The following DLGAP2 variants were observed in gnomAD, a reference collection of about 807,000 sequenced individuals.
DLGAP2 encodes the protein disks large-associated protein 2.
A neutral mutation model predicts 100.3 loss-of-function variants in DLGAP2; 26 were observed. The ratio of observed to expected loss-of-function variants is 0.26; its 90% CI spans 0.19 to 0.36. The LOEUF is 0.36. Among genes scored for constraint, DLGAP2 ranks in the 10% least tolerant of loss-of-function variants. DLGAP2 has a pLI of 1.00. For missense variants in DLGAP2, 1,858 were observed against 1,453.2 expected (o/e 1.28, Z -4.53); for synonymous variants, 886 against 630.1 (o/e 1.41, Z -6.08).
At chr8:932,802 T>C (rs1798988259) in intron 2 of DLGAP2, among the ~76,000 whole-genome samples, 1 of 152,108 alleles carries the variant, frequency 6.6e-6, no homozygotes, top group Non-Finnish European at 1.5e-5. Flanking sequence ...TCTGAAATTA[T>C]TTCAAAATGA....
At chr8:1,574,863 A>C (rs1802895728) in intron 6 of DLGAP2, among the ~76,000 whole-genome samples, 1 of 152,242 alleles carries the variant, frequency 6.6e-6, no homozygotes, top group Non-Finnish European at 1.5e-5. Context: ...TATGTGACTC[A>C]TGAGATTTTG....
At chr8:1,484,621 A>G (rs935603666) in intron 3 of DLGAP2, among the ~76,000 whole-genome samples, 1 of 152,216 alleles carries the variant, frequency 6.6e-6, no homozygotes, top group African/African-American at 2.4e-5. Context: ...ACCAATTCAG[A>G]CCCAACTTAC....
At chr8:1,260,199 G>T (rs771768643) in intron 3 of DLGAP2, among the ~76,000 whole-genome samples, 2 of 152,162 alleles carry the variant, frequency 1.3e-5, no homozygotes, top group Admixed American at 1.3e-4. Flanking sequence ...CAGCCTGTCT[G>T]TTGGGTGTTT....
At chr8:942,301 C>T (rs972878525) in intron 2 of DLGAP2, among the ~76,000 whole-genome samples, 1 of 152,216 alleles carries the variant, frequency 6.6e-6, no homozygotes, top group Non-Finnish European at 1.5e-5. Context: ...AACCTGACCT[C>T]ACATTTATTC....
At chr8:936,685 C>A (rs925796336) in intron 2 of DLGAP2, among the ~76,000 whole-genome samples, 4 of 152,214 alleles carry the variant, frequency 2.6e-5, no homozygotes, top group African/African-American at 9.6e-5. Context: ...AGTGCAAGGT[C>A]CTCTCTTTTT....
rs151003331 is a variant in DLGAP2 at position 1,602,497 on chromosome 8, G to C, written c.1443-24243G>C. On this transcript the variant is annotated intron_variant, in intron 6 of 14. Transcript: ENST00000637795. ...CAGCCATGTTGCCCAGAGCTAGCCA[G>C]GGCTGGAGGCCCGAATCCACGGAGG... 2.0e-3 allele frequency among the ~76,000 whole-genome samples: 301 copies of C among 152,354 alleles called. 1 individual carries two copies. The highest frequency in any genetic ancestry group is 6.9e-3 in the African/African-American group (285 of 41,582).
At chr8:1,314,066 C>G (rs938802309) in intron 3 of DLGAP2, among the ~76,000 whole-genome samples, 2 of 152,136 alleles carry the variant, frequency 1.3e-5, no homozygotes, top group Non-Finnish European at 2.9e-5. Flanking sequence ...TTCAGTTATC[C>G]ACTGTAAATG....
intron 3 of DLGAP2, among the ~76,000 whole-genome samples, chr8:1,265,926 G>A (rs866398338): frequency 1.3e-5 from 2 of 152,176 alleles, no homozygotes; most frequent in Admixed American, 1.3e-4. Flanking sequence ...TATTTTTATA[G>A]ATAAAATCAT....
rs1215736697 is a variant in DLGAP2, at chr8:1,407,836, A to G, written c.107-93530A>G. 2.8e-5 allele frequency among the ~76,000 whole-genome samples: 4 copies of G among 142,874 alleles called. No individual in the cohort carries two copies. The South Asian group carries it at 9.5e-4, about 34-fold the overall frequency. 93.7% of individuals were successfully genotyped at this position (142,874 alleles called of 152,430 possible). A position where few individuals can be genotyped will look rare whatever the true frequency, so the allele number is the denominator to read the frequency against. On this transcript the variant is annotated intron_variant, in intron 3 of 14. Transcript: ENST00000637795. The stretch of plus-strand genomic sequence containing the variant: ...AGTGCTTACTGAGCGCCACCTCCTC[A>G]TCCTCCGGAGTCGTGTATTGAGTGC...
chr8:1,601,913 T>G (rs1246736734), intron 6 of DLGAP2, among the ~76,000 whole-genome samples: 1 of 151,772 alleles, frequency 6.6e-6, no homozygotes, highest in Non-Finnish European at 1.5e-5. Context: ...AGCTATGTAG[T>G]CACTTTTGAT....
At chr8:1,338,225 C>T (rs1210449931) in intron 3 of DLGAP2, among the ~76,000 whole-genome samples, 1 of 152,238 alleles carries the variant, frequency 6.6e-6, no homozygotes, top group Non-Finnish European at 1.5e-5. Context: ...CACAGAAACT[C>T]ACACACAAGT....
chr8:949,173 TG>T (rs2129007265), intron 2 of DLGAP2, among the ~76,000 whole-genome samples: 1 of 152,216 alleles, frequency 6.6e-6, no homozygotes, highest in African/African-American at 2.4e-5. Context: ...GGAAAGGACG[TG>T]TGGTTCCTGG....
intron 6 of DLGAP2, among the ~76,000 whole-genome samples, chr8:1,600,340 A>G (rs1305643824): frequency 6.6e-6 from 1 of 151,942 alleles, no homozygotes; most frequent in Non-Finnish European, 1.5e-5. Context: ...GAATCCGACG[A>G]TTATGTGTCT....
At chr8:809,855 G>C (rs1796339211) in intron 1 of DLGAP2, among the ~76,000 whole-genome samples, 1 of 152,152 alleles carries the variant, frequency 6.6e-6, no homozygotes, top group South Asian at 2.1e-4. Context: ...TCTAGGATTT[G>C]TCATGGGAAG....
chr8:1,656,395 C>T (rs1032475290), intron 8 of DLGAP2, among the ~76,000 whole-genome samples: 7 of 152,040 alleles, frequency 4.6e-5, no homozygotes, highest in African/African-American at 1.4e-4. Context: ...CTTTCTGACA[C>T]AACTGTGGTA....
chr8:1,231,553 A>T (rs375391666), intron 2 of DLGAP2, among the ~76,000 whole-genome samples: 28 of 152,330 alleles, frequency 1.8e-4, no homozygotes, highest in African/African-American at 6.7e-4. Context: ...TTGCAGCACT[A>T]CTCACGATAG....
intron 3 of DLGAP2, among the ~76,000 whole-genome samples, chr8:1,476,646 C>T (rs1193501917): frequency 6.6e-6 from 1 of 152,210 alleles, no homozygotes; most frequent in Non-Finnish European, 1.5e-5. Context: ...CCGGACCCAC[C>T]CGTGATGGCT....
At chr8:924,556 C>T (rs1584893281) in intron 2 of DLGAP2, among the ~76,000 whole-genome samples, 1 of 152,118 alleles carries the variant, frequency 6.6e-6, no homozygotes, top group East Asian at 1.9e-4. Flanking sequence ...GCTGGCACTG[C>T]ATGCTTATCC....
chr8:834,755 C>G (rs1388147136), intron 1 of DLGAP2, among the ~76,000 whole-genome samples: 1 of 152,160 alleles, frequency 6.6e-6, no homozygotes, highest in South Asian at 2.1e-4. Context: ...CTATTGGGTA[C>G]TATGCTTAGT....
Sources: gnomAD v4.1 joint callset for allele counts (sites outside exome capture counted in the v4.1 genomes callset) on GRCh38, gnomAD v4.1.1 for gene constraint, MANE v1.5 for transcripts, NCBI Gene and HGNC (gene_info 2026-07-23, HGNC 2026-07-21) for gene names.